Variants in ATP6V1B1 observed in about 807,000 individuals in gnomAD.
ATP6V1B1 encodes V-type proton ATPase subunit B, kidney isoform.
Under a neutral mutation model 62.1 loss-of-function variants are expected in ATP6V1B1, and 41 were observed. That is an observed-to-expected ratio of 0.66 (90% CI 0.51 to 0.86). The LOEUF is 0.86. ATP6V1B1 is among the 40% of genes least tolerant of loss of function. The pLI, the probability that ATP6V1B1 is intolerant of heterozygous loss-of-function variation, is 0.00. For synonymous variants in ATP6V1B1, 253 were observed against 273.4 expected, an observed-to-expected ratio of 0.93 and a Z score of 0.74; for missense variants, 651 against 697.5, an observed-to-expected ratio of 0.93 and a Z score of 0.75.
At chr2:70,945,469 T>G (rs1477343239) in intron 2 of ATP6V1B1, among the ~76,000 whole-genome samples, 5 of 149,638 alleles carry the variant, frequency 3.3e-5, no homozygotes, top group African/African-American at 9.8e-5. Flanking sequence ...CTTCTCACAA[T>G]TAGTTGGACA....
chr2:70,944,861 G>T (rs1292221730), intron 2 of ATP6V1B1, among the ~76,000 whole-genome samples: 1 of 152,096 alleles, frequency 6.6e-6, no homozygotes, highest in Non-Finnish European at 1.5e-5. Flanking sequence ...CAGAGACGGG[G>T]TTTCCCCGTG....
Position 70,959,804 on chromosome 2 carries a change from G to T in ATP6V1B1, c.446-135G>T. On this transcript the variant is annotated intron_variant, in intron 5 of 13. Transcript: ENST00000234396. This position sits in a 1 kb window ranked among gnomAD's most constrained non-coding sequence, Gnocchi z 4.2. ...TTTGTATCTAGGGCTACATCAGGCA[G>T]CACGGCCAGAGCACGTTTCTATCAT... is the stretch of plus-strand genomic sequence containing the variant. The T allele has an allele frequency of 7.6e-7, 1 of 1,310,666 alleles. No homozygotes were observed. The highest frequency in any genetic ancestry group is 1.1e-6 in the Non-Finnish European group (1 of 927,706). The allele number at this position is 1,310,666 out of a possible 1,614,324, so 81.2% of individuals were successfully genotyped here. A position where few individuals can be genotyped will look rare whatever the true frequency, so the allele number is the denominator to read the frequency against.
chr2:70,945,722 A>ATATG (rs1553417219), intron 2 of ATP6V1B1, among the ~76,000 whole-genome samples: 2 of 134,542 alleles, frequency 1.5e-5, no homozygotes, highest in Non-Finnish European at 3.2e-5. Context: ...ATATATATAT[A>ATATG]TATATATATA....
At position 70,958,388 on chromosome 2, in the gene ATP6V1B1, G is replaced by C; in HGVS notation, c.329G>C (p.Gly110Ala). Reference sequence around the variant, plus strand: ...AGGAAGACCACTTGCGAATTTACAGGGGACATCCTACGAACTCCGGTGTCA... The same window carrying C: ...AGGAAGACCACTTGCGAATTTACAGCGGACATCCTACGAACTCCGGTGTCA... ...DARKTTCEFTGDILRTPVSED... is the reference protein window; with the variant it reads ...DARKTTCEFTADILRTPVSED... Residue 110 changes from glycine to alanine, a missense_variant, in exon 4 of 14, where the codon GGG becomes GCG. Coordinates refer to ENST00000234396, the MANE Select transcript of ATP6V1B1 (RefSeq NM_001692.4). 6.2e-7 allele frequency: 1 copy of C among 1,614,040 alleles called. No homozygotes were observed.
intron 8 of ATP6V1B1, 137 bp from the exon 9 acceptor site, chr2:70,962,640 G>A: frequency 6.4e-6 from 9 of 1,410,528 alleles, no homozygotes; most frequent in Non-Finnish European, 7.8e-6. Context: ...GGGGATGGGG[G>A]CAAGGGCTCA....
At chr2:70,943,143 C>T (rs570391313) in intron 1 of ATP6V1B1, among the ~76,000 whole-genome samples, 168 of 152,060 alleles carry the variant, frequency 1.1e-3, no homozygotes, top group African/African-American at 3.7e-3. Context: ...GCAGAGGCCC[C>T]GTCTGGTTTT....
intron 1 of ATP6V1B1, chr2:70,941,420 G>A: frequency 2.9e-5 from 29 of 985,532 alleles, no homozygotes; most frequent in Non-Finnish European, 3.4e-5. Context: ...TGCCAGAAGT[G>A]CCCTTTCCCC....
rs536974974 is a variant in ATP6V1B1, at chr2:70,964,773, T to C, written c.1286T>C (p.Met429Thr). 1 of 1,613,994 alleles carries C rather than the reference T, an allele frequency of 6.2e-7. No individual in the cohort carries two copies. The highest frequency in any genetic ancestry group is 1.3e-5 in the African/African-American group (1 of 75,020). ...CYAIGKDVQA[M>T]KAVVGEEALT... ...GCCATCGGGAAGGACGTGCAGGCCA[T>C]GAAGGCAGTAGTTGGGGAGGAGGCG... is the stretch of plus-strand genomic sequence containing the variant. Residue 429 changes from methionine to threonine, a missense_variant, in exon 13 of 14, where the codon ATG becomes ACG. Met to Thr is a moderately conservative substitution (Grantham distance 81, BLOSUM62 -1). Transcript: ENST00000234396.
In ATP6V1B1 at chr2:70,943,887, G is replaced by A. The variant is rs868949847; in HGVS notation, c.174+174G>A. 20 of 800,072 alleles carry A rather than the reference G, an allele frequency of 2.5e-5. No individual in the cohort carries two copies. The South Asian group carries it at 8.0e-4, about 32-fold the overall frequency. The allele number at this position is 800,072 out of a possible 1,614,324, so 49.6% of individuals were successfully genotyped here. On this transcript the variant is annotated intron_variant, in intron 2 of 13. Transcript: ENST00000234396. ...TCCTTCCCTAGCTGTATCCCCAGCC[G>A]TCCAAGCTTTCTCCTCCCTGCCTTT...
At chr2:70,950,173 T>A (rs545350543) in intron 2 of ATP6V1B1, among the ~76,000 whole-genome samples, 2 of 152,278 alleles carry the variant, frequency 1.3e-5, no homozygotes, top group African/African-American at 4.8e-5. Context: ...TCTGGACTTT[T>A]TTTCTTTCCT....
intron 2 of ATP6V1B1, chr2:70,944,372 A>C (rs1572908956): frequency 2.0e-6 from 1 of 501,264 alleles, no homozygotes; most frequent in South Asian, 2.6e-5. Flanking sequence ...GTACAAGATC[A>C]CTCTCTTATC....
At position 70,941,859 on chromosome 2, in the gene ATP6V1B1, G is replaced by A. The variant is rs915310310; in HGVS notation, c.119-1799G>A. 8.1e-6 allele frequency: 8 copies of A among 986,058 alleles called. No homozygotes were observed. The African/African-American group carries it at 1.4e-4, about 17-fold the overall frequency. 61.1% of individuals were successfully genotyped at this position (986,058 alleles called of 1,614,324 possible). ...AGGAGGCTGACAGGCGGCCCCAGAG[G>A]GAAGCTTCCAAAGGACAGTGCACCC... On this transcript the variant is annotated intron_variant, in intron 1 of 13. Transcript: ENST00000234396.
At chr2:70,948,905 G>A (rs115903158) in intron 2 of ATP6V1B1, among the ~76,000 whole-genome samples, 15 of 152,266 alleles carry the variant, frequency 9.9e-5, no homozygotes, top group South Asian at 6.2e-4. Flanking sequence ...CACCTTGCTG[G>A]GGAATTGGAC....
At position 70,958,052 on chromosome 2, in the gene ATP6V1B1, C is replaced by A; in HGVS notation, c.181C>A (p.Gln61Lys). 6.2e-7 allele frequency: 1 copy of A among 1,613,944 alleles called. No individual in the cohort carries two copies. The highest frequency in any genetic ancestry group is 1.1e-5 in the South Asian group (1 of 90,978). ...LVVLDRVKFAQYAEIVHFTLP... is the reference protein window; with the variant it reads ...LVVLDRVKFAKYAEIVHFTLP... Reference sequence around the variant, plus strand: ...TGCTCTCCCCTCCTGCCAGTTTGCCCAGTATGCGGAGATCGTCCACTTCAC... The same window carrying A: ...TGCTCTCCCCTCCTGCCAGTTTGCCAAGTATGCGGAGATCGTCCACTTCAC... Residue 61 changes from glutamine (Q) to lysine (K), a missense_variant, in exon 3 of 14, where the codon CAG becomes AAG. Coordinates refer to ENST00000234396, the MANE Select transcript of ATP6V1B1 (RefSeq NM_001692.4).
chr2:70,964,351 G>A, intron 11 of ATP6V1B1, 87 bp from the exon 12 acceptor site: 4 of 1,362,914 alleles, frequency 2.9e-6, no homozygotes, highest in African/African-American at 1.4e-5. Context: ...TAGGATAAGT[G>A]AGGAGCTTCT....
Position 70,963,731 on chromosome 2 carries a change from G to T in ATP6V1B1, c.1143+77G>T. The T allele has an allele frequency of 6.6e-7, 1 of 1,522,860 alleles. No homozygotes were observed. Among genetic ancestry groups the T allele is most frequent in the Non-Finnish European group, 9.1e-7 (1 of 1,102,532 alleles). 94.3% of individuals were successfully genotyped at this position (1,522,860 alleles called of 1,614,324 possible). On this transcript the variant is annotated intron_variant, in intron 11 of 13. Transcript: ENST00000234396. This position sits in a 1 kb window ranked among gnomAD's most constrained non-coding sequence, Gnocchi z 4.3. ...GGAACAGATGTTTCACTGCCCCCAGGCATGAATTAGGAGGGGCCAGCCAAA... is the reference window on the plus strand; with the variant it reads ...GGAACAGATGTTTCACTGCCCCCAGTCATGAATTAGGAGGGGCCAGCCAAA...
In ATP6V1B1 at chr2:70,962,813, C is replaced by T; in HGVS notation, c.822C>T (p.Thr274=). 6.2e-7 allele frequency: 1 copy of T among 1,614,152 alleles called. No individual in the cohort carries two copies. The highest frequency in any genetic ancestry group is 8.5e-7 in the Non-Finnish European group (1 of 1,180,032). Residue 274 remains threonine, a synonymous_variant, in exon 9 of 14, where the codon ACC becomes ACT. Coordinates refer to ENST00000234396, the MANE Select transcript of ATP6V1B1 (RefSeq NM_001692.4). ...TCATCACCCCGCGCCTGGCGCTGAC[C>T]ACTGCTGAATTCCTTGCCTACCAGT... is the stretch of plus-strand genomic sequence containing the variant. The part of the protein sequence containing the change: ...ERIITPRLAL[T]TAEFLAYQCE...
intron 1 of ATP6V1B1, among the ~76,000 whole-genome samples, chr2:70,936,828 C>T (rs1232354442): frequency 1.3e-5 from 2 of 152,102 alleles, no homozygotes; most frequent in African/African-American, 2.4e-5. Flanking sequence ...GAATGCGTAT[C>T]CAGGTGTGGG....
At chr2:70,951,558 G>GC (rs1553418306) in intron 2 of ATP6V1B1, among the ~76,000 whole-genome samples, 1 of 151,932 alleles carries the variant, frequency 6.6e-6, no homozygotes, top group African/African-American at 2.4e-5. Flanking sequence ...ACTTCCCACA[G>GC]CCTTTCTTTG....
Sources: gnomAD v4.1 joint callset for allele counts (sites outside exome capture counted in the v4.1 genomes callset) on GRCh38, gnomAD v4.1.1 for gene constraint, Gnocchi (gnomAD v3.1) non-coding constraint, MANE v1.5 for transcripts, NCBI Gene and HGNC (gene_info 2026-07-23, HGNC 2026-07-21) for gene names.